ARHGAP6: variants seen among roughly 807,000 people sequenced by gnomAD.
The protein encoded by ARHGAP6 is Rho GTPase activating protein 6, also known as rho GTPase-activating protein 6.
A neutral mutation model predicts 55.7 loss-of-function variants in ARHGAP6; 16 were observed. That is an observed-to-expected ratio of 0.29 (90% CI 0.19 to 0.44). The LOEUF (loss-of-function observed/expected upper bound fraction) is 0.44. Ranked by LOEUF, ARHGAP6 falls within the 20% of genes least tolerant of loss-of-function variation. The pLI is 1.00. For missense variants in ARHGAP6, 698 were observed against 808.9 expected (o/e 0.86, Z 1.66); for synonymous variants, 382 against 360.9 (o/e 1.06, Z -0.66).
At chrX:11,466,505 T>C (rs2050294828) in intron 1 of ARHGAP6, among the ~76,000 whole-genome samples, 1 of 111,280 alleles carries the variant, frequency 9.0e-6, no homozygotes. Context: ...TCCAGGGGCC[T>C]TTTTGTTTCT....
chrX:11,655,431 CTG>C (rs1320624914), intron 1 of ARHGAP6, among the ~76,000 whole-genome samples: 1 of 111,995 alleles, frequency 8.9e-6, no homozygotes, highest in Admixed American at 9.5e-5. Flanking sequence ...TCTGGAGTAA[CTG>C]TTTTATTTTT....
chrX:11,640,695 T>C (rs1007588131), intron 1 of ARHGAP6, among the ~76,000 whole-genome samples: 3 of 111,230 alleles, frequency 2.7e-5, no homozygotes, highest in African/African-American at 9.8e-5. Context: ...CTGGAGGCAT[T>C]GTTTGTTTCT....
intron 1 of ARHGAP6, among the ~76,000 whole-genome samples, chrX:11,341,395 G>A (rs1423607593): frequency 9.1e-6 from 1 of 110,245 alleles, no homozygotes; most frequent in African/African-American, 3.3e-5. Flanking sequence ...TTTAAAGAAA[G>A]GAAACCGGAA....
chrX:11,354,315 C>CTA (rs1569311523), intron 1 of ARHGAP6, among the ~76,000 whole-genome samples: 1 of 67,567 alleles, frequency 1.5e-5, no homozygotes, highest in African/African-American at 6.0e-5. Context: ...CTCTCTCTCT[C>CTA]TCTCTCTCTC....
Position 11,139,368 on chromosome X carries a change from G to C in ARHGAP6, c.2420C>G (p.Thr807Arg). The C allele has an allele frequency of 8.5e-7, 1 of 1,179,460 alleles. No homozygotes were observed. The highest frequency in any genetic ancestry group is 1.1e-6 in the Non-Finnish European group (1 of 881,072). ...CACCGCAGGGTGGGCCCTGCCCTCC[G>C]TCGCGGGGGCTGCGGCCTGAGTCCT... is the stretch of plus-strand genomic sequence containing the variant. ...ARRTQAAAPA[T>R]EGRAHPAVSR... The change falls in exon 13 of 13, where the codon ACG becomes AGG. Residue 807 changes from threonine (T) to arginine (R), a missense_variant. Thr to Arg is a moderately conservative substitution (Grantham distance 71, BLOSUM62 -1). This residue lies in a region of ARHGAP6 where 212 missense variants were observed against 208.7 expected (regional missense o/e 1.02). Coordinates refer to ENST00000337414, the MANE Select transcript of ARHGAP6 (RefSeq NM_013427.3).
At chrX:11,577,721 G>A (rs1348200167) in intron 1 of ARHGAP6, among the ~76,000 whole-genome samples, 1 of 111,482 alleles carries the variant, frequency 9.0e-6, no homozygotes, top group Non-Finnish European at 1.9e-5. Context: ...GGTTGGGGAG[G>A]GGGAATTACC....
chrX:11,214,307 A>G (rs912319551), intron 2 of ARHGAP6, among the ~76,000 whole-genome samples: 4 of 110,973 alleles, frequency 3.6e-5, no homozygotes, highest in African/African-American at 1.3e-4. Flanking sequence ...ACATACATAT[A>G]TATATTTTTA....
intron 1 of ARHGAP6, among the ~76,000 whole-genome samples, chrX:11,654,689 G>A (rs1217753249): frequency 9.0e-6 from 1 of 111,431 alleles, no homozygotes; most frequent in Non-Finnish European, 1.9e-5. Flanking sequence ...AATTTCCACA[G>A]TAACCAATCT....
intron 1 of ARHGAP6, chrX:11,351,492 C>T: frequency 4.2e-6 from 4 of 946,120 alleles, no homozygotes; most frequent in Non-Finnish European, 5.4e-6. Flanking sequence ...GGATTCCCCT[C>T]CATCTCGTCC....
At chrX:11,545,997 A>C (rs1208488424) in intron 1 of ARHGAP6, among the ~76,000 whole-genome samples, 2 of 110,969 alleles carry the variant, frequency 1.8e-5, no homozygotes, top group Admixed American at 9.7e-5. Context: ...TTCTGTTTTT[A>C]TTCCTTTTTG....
chrX:11,477,161 TAAA>T (rs34155965), intron 1 of ARHGAP6, among the ~76,000 whole-genome samples: 1 of 86,634 alleles, frequency 1.2e-5, no homozygotes, highest in African/African-American at 4.3e-5. Flanking sequence ...TCAAATATGA[TAAA>T]AAAAAAAAAA....
intron 1 of ARHGAP6, among the ~76,000 whole-genome samples, chrX:11,261,687 G>C (rs1293881577): frequency 9.0e-6 from 1 of 111,629 alleles, no homozygotes; most frequent in Non-Finnish European, 1.9e-5. Context: ...CTATTCTAGG[G>C]TACTATGTGA....
intron 1 of ARHGAP6, among the ~76,000 whole-genome samples, chrX:11,369,611 C>A (rs1470834165): frequency 3.6e-5 from 4 of 111,472 alleles, no homozygotes; most frequent in Non-Finnish European, 5.7e-5. Context: ...CAAAGAATAA[C>A]AATTATCTCA....
intron 8 of ARHGAP6, among the ~76,000 whole-genome samples, chrX:11,172,542 T>C (rs2046107623): frequency 8.9e-6 from 1 of 111,820 alleles, no homozygotes; most frequent in African/African-American, 3.3e-5. Context: ...AGATTTTGTT[T>C]TCTTTTAAAA....
intron 1 of ARHGAP6, among the ~76,000 whole-genome samples, chrX:11,416,124 T>G: frequency 9.0e-6 from 1 of 111,677 alleles, no homozygotes; most frequent in East Asian, 2.8e-4. Context: ...AATAAAAATG[T>G]GCCCTCCCCC....
At chrX:11,252,325 T>C (rs1033088522) in intron 2 of ARHGAP6, among the ~76,000 whole-genome samples, 6 of 112,452 alleles carry the variant, frequency 5.3e-5, no homozygotes, top group African/African-American at 1.9e-4. Context: ...TTGCTAACAA[T>C]ATTGCCATTT....
At chrX:11,367,656 A>G (rs754220946) in intron 1 of ARHGAP6, 1 of 177,185 alleles carries the variant, frequency 5.6e-6, no homozygotes, top group African/African-American at 3.1e-5. Context: ...TTTGTTCTGG[A>G]TCTTAAGCTC....
intron 1 of ARHGAP6, among the ~76,000 whole-genome samples, chrX:11,507,159 C>T (rs894025909): frequency 3.6e-5 from 4 of 111,664 alleles, no homozygotes; most frequent in African/African-American, 6.5e-5. Flanking sequence ...AAAGTTGAGT[C>T]ATTAAAGCCT....
At position 11,197,143 on chromosome X, in the gene ARHGAP6, C is replaced by T. The variant is rs1185803042; in HGVS notation, c.749-147G>A. 8 of 413,022 alleles carry T rather than the reference C, an allele frequency of 1.9e-5. No homozygotes were observed. In the Admixed American group the frequency reaches 2.6e-4, roughly 13 times the overall value. 34.0% of individuals were successfully genotyped at this position (413,022 alleles called of 1,213,427 possible). On this transcript the variant is annotated intron_variant, in intron 2 of 12. Transcript: ENST00000337414. ...AAGCAGAGTAACAGCTCTGAGAATACATGAAAATCCTGACTTGGATACCAC... is the reference window on the plus strand; with the variant it reads ...AAGCAGAGTAACAGCTCTGAGAATATATGAAAATCCTGACTTGGATACCAC...
Sources: gnomAD v4.1 joint callset for allele counts (sites outside exome capture counted in the v4.1 genomes callset) on GRCh38, gnomAD v4.1.1 for gene constraint, gnomAD v4.1.1 regional missense constraint, MANE v1.5 for transcripts, NCBI Gene and HGNC (gene_info 2026-07-23, HGNC 2026-07-21) for gene names.